KLHL3: variants seen among roughly 807,000 people sequenced by gnomAD.
The protein encoded by KLHL3 is kelch-like protein 3.
In KLHL3, 19 loss-of-function variants were observed where a neutral mutation model predicts 70.5. The ratio of observed to expected loss-of-function variants is 0.27; its 90% CI spans 0.19 to 0.40. KLHL3 has a LOEUF of 0.40. Ranked by LOEUF, KLHL3 falls within the 10% of genes least tolerant of loss-of-function variation. KLHL3 has a pLI of 1.00. For synonymous variants in KLHL3, 258 were observed against 290.3 expected (o/e 0.89, Z 1.13); for missense variants, 512 against 771.1 (o/e 0.66, Z 3.98).
chr5:137,634,115 T>C lies in KLHL3; in HGVS notation c.1372A>G (p.Ser458Gly). 6.2e-7 allele frequency: 1 copy of C among 1,614,000 alleles called. No homozygotes were observed. The highest frequency in any genetic ancestry group is 2.2e-5 in the East Asian group (1 of 44,866). The change falls in exon 12 of 15, where the codon AGC (serine) becomes GGC (glycine). Residue 458 changes from serine to glycine, a missense_variant. By Grantham distance (56) the Ser-to-Gly change is moderately conservative. Transcript: ENST00000309755. Reference sequence around the variant, plus strand: ...GCTGGGTTGTACTGCTCCACAGTGCTCAGACACTGGCGGGAAGCTCCATCA... The same window carrying C: ...GCTGGGTTGTACTGCTCCACAGTGCCCAGACACTGGCGGGAAGCTCCATCA... ...GYDGASRQCLSTVEQYNPATN... is the reference protein window; with the variant it reads ...GYDGASRQCLGTVEQYNPATN...
At chr5:137,654,975 A>G (rs1300888891) in intron 8 of KLHL3, among the ~76,000 whole-genome samples, 1 of 152,144 alleles carries the variant, frequency 6.6e-6, no homozygotes, top group Non-Finnish European at 1.5e-5. Flanking sequence ...CTATCTTTTT[A>G]TGGGTATATG....
chr5:137,692,371 A>C lies in KLHL3; in HGVS notation c.440T>G (p.Leu147Trp). Residue 147 changes from leucine to tryptophan, a missense_variant, in exon 5 of 15, where the codon TTG becomes TGG. Physicochemically the swap from Leu to Trp is moderately conservative, Grantham distance 61. Transcript: ENST00000309755. ...GATGCCCAGGCAATTGGTGGGATGCAACTGAGACTGCAGGAAGTCACAGCA... is the reference window on the plus strand; with the variant it reads ...GATGCCCAGGCAATTGGTGGGATGCCACTGAGACTGCAGGAAGTCACAGCA... ...QNCCDFLQSQ[L>W]HPTNCLGIRA... 1 of 1,614,002 alleles carries C rather than the reference A, an allele frequency of 6.2e-7. No individual in the cohort carries two copies. The highest frequency in any genetic ancestry group is 8.5e-7 in the Non-Finnish European group (1 of 1,180,014).
At chr5:137,658,343 C>T in intron 7 of KLHL3, 63 bp from the exon 8 acceptor site, 12 of 1,529,284 alleles carry the variant, frequency 7.8e-6, no homozygotes, top group African/African-American at 1.4e-5. Flanking sequence ...CAAGCTTTCA[C>T]CCTGGGCTCA....
chr5:137,663,151 G>A (rs1054318616), intron 6 of KLHL3, among the ~76,000 whole-genome samples: 3 of 146,866 alleles, frequency 2.0e-5, no homozygotes, highest in African/African-American at 5.0e-5. Flanking sequence ...TCCACCTCCC[G>A]GGTTAAGTGA....
intron 2 of KLHL3, 119 bp from the exon 3 acceptor site, chr5:137,709,975 G>A (rs1406128536): frequency 1.8e-5 from 14 of 768,566 alleles, no homozygotes; most frequent in Non-Finnish European, 3.1e-5. Flanking sequence ...AGCTGTCACA[G>A]GGACTTGCTC....
chr5:137,652,815 GTT>G (rs1751236057), intron 8 of KLHL3, among the ~76,000 whole-genome samples: 1 of 151,966 alleles, frequency 6.6e-6, no homozygotes, highest in African/African-American at 2.4e-5. Flanking sequence ...GATTTTAAGT[GTT>G]CTTACCACAA....
At chr5:137,693,297 G>C (rs1316076217) in intron 4 of KLHL3, among the ~76,000 whole-genome samples, 1 of 152,174 alleles carries the variant, frequency 6.6e-6, no homozygotes, top group Non-Finnish European at 1.5e-5. Context: ...AGAAAGGAGA[G>C]CTAAGTTTCC....
intron 2 of KLHL3, 91 bp downstream of exon 2, chr5:137,720,374 G>A (rs1752975159): frequency 6.9e-7 from 1 of 1,446,748 alleles, no homozygotes; most frequent in Non-Finnish European, 9.6e-7. Flanking sequence ...GAATTCCCTA[G>A]GTGGTCATGT....
intron 3 of KLHL3, among the ~76,000 whole-genome samples, chr5:137,701,113 A>G (rs1429987250): frequency 6.6e-6 from 1 of 151,124 alleles, no homozygotes; most frequent in Admixed American, 6.6e-5. Flanking sequence ...GCTCACCGCA[A>G]CCTCTGCCTC....
rs1756342373 is a variant in KLHL3 at position 137,619,744 on chromosome 5, G to A, written c.*2354C>T. 1 of 152,726 alleles carries A rather than the reference G, an allele frequency of 6.5e-6. No individual in the cohort carries two copies. Among genetic ancestry groups the A allele is most frequent in the Non-Finnish European group, 1.5e-5 (1 of 68,090 alleles). The allele number at this position is 152,726 out of a possible 1,614,324, so 9.5% of individuals were successfully genotyped here. A position where few individuals can be genotyped will look rare whatever the true frequency, so the allele number is the denominator to read the frequency against. ...GCACATGGCCTTGGCAGCACGCCCA[G>A]TAGAGGCAGTGCTTTGTAGGGAGGG... On this transcript the variant is annotated 3_prime_UTR_variant, in exon 15 of 15. Coordinates refer to ENST00000309755, the MANE Select transcript of KLHL3 (RefSeq NM_017415.3).
intron 2 of KLHL3, among the ~76,000 whole-genome samples, chr5:137,714,625 T>C (rs544644648): frequency 9.1e-4 from 138 of 151,318 alleles, no homozygotes; most frequent in African/African-American, 3.1e-3. Flanking sequence ...TGATGGGGAG[T>C]GGTGGTAAGG....
rs769336055 is a variant in KLHL3, at chr5:137,692,323, G to A, written c.488C>T (p.Thr163Ile). 3 of 1,613,202 alleles carry A rather than the reference G, an allele frequency of 1.9e-6. No individual in the cohort carries two copies. The highest frequency in any genetic ancestry group is 1.3e-5 in the African/African-American group (1 of 74,916). Reference protein sequence around the residue: ...LGIRAFADVHTCTDLLQQANA... With the variant: ...LGIRAFADVHICTDLLQQANA... ...GGCCTGCTGCAGAAGGTCAGTGCAG[G>A]TGTGTACATCTGCAAATGCACGGAT... Residue 163 changes from threonine to isoleucine, a missense_variant, in exon 5 of 15, where the codon ACC (threonine) becomes ATC (isoleucine). Thr to Ile is a moderately conservative substitution (Grantham distance 89, BLOSUM62 -1). Transcript: ENST00000309755.
In KLHL3 at chr5:137,688,167, A is replaced by AAAAATAAAATAAAATAAAAT. The variant is rs201162792; in HGVS notation, c.526+4098_526+4117dup. Among the ~76,000 whole-genome samples the AAAAATAAAATAAAATAAAAT allele has an allele frequency of 2.9e-4, 42 of 144,532 alleles. 15 individuals are homozygous for AAAAATAAAATAAAATAAAAT. Among genetic ancestry groups the AAAAATAAAATAAAATAAAAT allele is most frequent in the African/African-American group, 8.8e-4 (33 of 37,622 alleles). The allele number at this position is 144,532 out of a possible 152,430, so 94.8% of individuals were successfully genotyped here. On this transcript the variant is annotated intron_variant, in intron 5 of 14. Coordinates refer to ENST00000309755, the MANE Select transcript of KLHL3 (RefSeq NM_017415.3). ...AAACACCCAAGAATGATCAATAAAA[A>AAAAATAAAATAAAATAAAAT]AAAATAAAATAAAATAAAATAAAAT...
chr5:137,682,895 G>A (rs554835905), intron 5 of KLHL3, among the ~76,000 whole-genome samples: 3 of 152,140 alleles, frequency 2.0e-5, no homozygotes, highest in Non-Finnish European at 2.9e-5. Context: ...CTCTCTTCAC[G>A]GAATGAAATA....
chr5:137,640,679 G>C (rs1001799579), intron 8 of KLHL3, among the ~76,000 whole-genome samples: 4 of 152,154 alleles, frequency 2.6e-5, no homozygotes, highest in African/African-American at 9.7e-5. Flanking sequence ...ACACAGCTAA[G>C]AGTGTAGGCA....
chr5:137,713,243 T>C (rs752260119), intron 2 of KLHL3, among the ~76,000 whole-genome samples: 3 of 151,376 alleles, frequency 2.0e-5, no homozygotes, highest in Non-Finnish European at 4.4e-5. Context: ...AGCAGGAGGA[T>C]TGCTTGAGCC....
intron 10 of KLHL3, among the ~76,000 whole-genome samples, chr5:137,638,205 G>A (rs181800635): frequency 1.0e-3 from 156 of 152,322 alleles, no homozygotes; most frequent in African/African-American, 3.6e-3. Flanking sequence ...CTCCAGAGGG[G>A]CTAAAGACCC....
chr5:137,662,741 G>C (rs1751512841), intron 6 of KLHL3, among the ~76,000 whole-genome samples: 2 of 152,114 alleles, frequency 1.3e-5, no homozygotes, highest in Admixed American at 6.5e-5. Context: ...AACGTTGGAG[G>C]GGCAATGGGG....
At chr5:137,734,999 G>A (rs1753237858) in intron 1 of KLHL3, among the ~76,000 whole-genome samples, 1 of 152,176 alleles carries the variant, frequency 6.6e-6, no homozygotes, top group African/African-American at 2.4e-5. Context: ...ATCCCTGATG[G>A]AGGAAGCACA....
Sources: gnomAD v4.1 joint callset for allele counts (sites outside exome capture counted in the v4.1 genomes callset) on GRCh38, gnomAD v4.1.1 for gene constraint, MANE v1.5 for transcripts, NCBI Gene and HGNC (gene_info 2026-07-23, HGNC 2026-07-21) for gene names.